The following MMP16 variants were observed in gnomAD, a reference collection of about 807,000 sequenced individuals.
MMP16 encodes matrix metallopeptidase 16.
Under a neutral mutation model 67.8 loss-of-function variants are expected in MMP16, and 12 were observed. The observed-to-expected ratio is 0.18, with a 90% CI of 0.11 to 0.29. The LOEUF (loss-of-function observed/expected upper bound fraction) is 0.29. Among genes scored for constraint, MMP16 ranks in the 10% least tolerant of loss-of-function variants. The pLI is 1.00. For missense variants in MMP16, 475 were observed against 765.7 expected (o/e 0.62, Z 4.48); for synonymous variants, 249 against 255.9 (o/e 0.97, Z 0.26).
At chr8:88,148,725 T>C (rs888941376) in intron 4 of MMP16, among the ~76,000 whole-genome samples, 1 of 131,846 alleles carries the variant, frequency 7.6e-6, no homozygotes, top group Non-Finnish European at 1.6e-5. Context: ...TGCTTATCTA[T>C]TTCTTTAGTA....
chr8:88,096,719 G>C (rs1156414050), intron 6 of MMP16, among the ~76,000 whole-genome samples: 1 of 151,842 alleles, frequency 6.6e-6, no homozygotes, highest in Non-Finnish European at 1.5e-5. Context: ...GAAGGAATTT[G>C]TTAAATATGC....
intron 4 of MMP16, among the ~76,000 whole-genome samples, chr8:88,158,507 G>C (rs1208327953): frequency 1.7e-4 from 26 of 152,284 alleles, no homozygotes; most frequent in Middle Eastern, 3.4e-3. Flanking sequence ...CCCACTTTTT[G>C]ATGGGGTTGT....
At chr8:88,273,701 A>G (rs780332726) in intron 1 of MMP16, among the ~76,000 whole-genome samples, 6 of 152,216 alleles carry the variant, frequency 3.9e-5, no homozygotes, top group African/African-American at 7.2e-5. Flanking sequence ...AAAAATCCAC[A>G]TAGAATTGTT....
At chr8:88,308,755 TATAAC>T (rs1354197833) in intron 1 of MMP16, among the ~76,000 whole-genome samples, 5 of 152,048 alleles carry the variant, frequency 3.3e-5, no homozygotes, top group Non-Finnish European at 5.9e-5. Flanking sequence ...AACTGAAAGT[TATAAC>T]ATAAAGACTA....
intron 7 of MMP16, among the ~76,000 whole-genome samples, chr8:88,062,180 A>T (rs1282798015): frequency 3.9e-5 from 6 of 152,124 alleles, no homozygotes; most frequent in Non-Finnish European, 7.4e-5. Flanking sequence ...TAAGATTTTC[A>T]TATGAAAAAA....
chr8:88,073,157 C>T (rs920261417), intron 7 of MMP16, among the ~76,000 whole-genome samples: 22 of 152,242 alleles, frequency 1.4e-4, no homozygotes, highest in East Asian at 1.9e-4. Flanking sequence ...ACTCATGGGA[C>T]GCAGGAAGGG....
intron 3 of MMP16, 146 bp downstream of exon 3, chr8:88,186,330 T>C: frequency 9.4e-7 from 1 of 1,064,264 alleles, no homozygotes; most frequent in Non-Finnish European, 1.3e-6. Context: ...TACTCTCCTC[T>C]CAATAGCAAT....
At chr8:88,047,160 A>T (rs2118200987) in intron 8 of MMP16, among the ~76,000 whole-genome samples, 1 of 152,324 alleles carries the variant, frequency 6.6e-6, no homozygotes, top group East Asian at 1.9e-4. Context: ...AGAGGTTTTC[A>T]TGAGTTTTTA....
Position 88,041,745 on chromosome 8 carries a change from T to C in MMP16, c.1540A>G (p.Ile514Val), listed in dbSNP as rs762633102. ...GGATATCCAGGTTCTACCTTGAGTA[T>C]CTGGTTGTTGAATTTCCAATACTCC... ...GKEYWKFNNQ[I>V]LKVEPGYPRS... The change falls in exon 10 of 10, where the codon ATA (isoleucine) becomes GTA (valine). Residue 514 changes from isoleucine to valine, a missense_variant. Ile to Val is a conservative substitution (Grantham distance 29, BLOSUM62 3). This residue lies in a region of MMP16 where 23 missense variants were observed against 79.1 expected (regional missense o/e 0.29). Coordinates refer to ENST00000286614, the MANE Select transcript of MMP16 (RefSeq NM_005941.5). This position sits in a 1 kb window ranked among gnomAD's most constrained non-coding sequence, Gnocchi z 6.0. 6.2e-7 allele frequency: 1 copy of C among 1,613,686 alleles called. No homozygotes were observed. Among genetic ancestry groups the C allele is most frequent in the South Asian group, 1.1e-5 (1 of 91,076 alleles).
intron 4 of MMP16, among the ~76,000 whole-genome samples, chr8:88,153,221 C>T (rs1411365999): frequency 1.3e-5 from 2 of 151,580 alleles, no homozygotes; most frequent in Non-Finnish European, 2.9e-5. Context: ...AAAGAGGATA[C>T]AAACAAATGG....
At chr8:88,242,115 A>C (rs1037620458) in intron 1 of MMP16, among the ~76,000 whole-genome samples, 1 of 152,230 alleles carries the variant, frequency 6.6e-6, no homozygotes, top group African/African-American at 2.4e-5. Context: ...TTGGATAGAA[A>C]ATAAAAAAGA....
chr8:88,229,512 G>A (rs1331214636), intron 1 of MMP16, among the ~76,000 whole-genome samples: 1 of 152,040 alleles, frequency 6.6e-6, no homozygotes, highest in African/African-American at 2.4e-5. Flanking sequence ...CTTAGCCAGG[G>A]TAAGACTATT....
intron 2 of MMP16, among the ~76,000 whole-genome samples, chr8:88,192,143 T>C: frequency 6.6e-6 from 1 of 152,226 alleles, no homozygotes; most frequent in Middle Eastern, 3.4e-3. Flanking sequence ...CTTATTTTAA[T>C]TACTTTAAAA....
At chr8:88,274,039 T>C (rs894523600) in intron 1 of MMP16, among the ~76,000 whole-genome samples, 1 of 152,088 alleles carries the variant, frequency 6.6e-6, no homozygotes, top group African/African-American at 2.4e-5. Flanking sequence ...ACTAGTTTTA[T>C]GGGAAGAGAA....
In MMP16 at chr8:88,067,442, T is replaced by C. The variant is rs145936934; in HGVS notation, c.1222+7163A>G. 5.2e-3 allele frequency among the ~76,000 whole-genome samples: 786 copies of C among 152,236 alleles called. 5 individuals carry two copies. Among genetic ancestry groups the C allele is most frequent in the African/African-American group, 0.017 (718 of 41,562 alleles). ...GCTTCTTGTTAAAAAAACAGTCTTA[T>C]TGTGGTATAACTGACATTCAATAAA... On this transcript the variant is annotated intron_variant, in intron 7 of 9. Coordinates refer to ENST00000286614, the MANE Select transcript of MMP16 (RefSeq NM_005941.5).
At chr8:88,253,741 AG>A (rs1810260582) in intron 1 of MMP16, among the ~76,000 whole-genome samples, 1 of 152,110 alleles carries the variant, frequency 6.6e-6, no homozygotes, top group African/African-American at 2.4e-5. Flanking sequence ...TCAGTTCTTC[AG>A]GATTCAATTC....
At position 88,117,774 on chromosome 8, in the gene MMP16, C is replaced by T. The variant is rs529087580; in HGVS notation, c.871+926G>A. Among the ~76,000 whole-genome samples, 336 of 151,940 alleles carry T rather than the reference C, an allele frequency of 2.2e-3. 1 individual carries two copies. The highest frequency in any genetic ancestry group is 7.7e-3 in the African/African-American group (318 of 41,484). On this transcript the variant is annotated intron_variant, in intron 5 of 9. Coordinates refer to ENST00000286614, the MANE Select transcript of MMP16 (RefSeq NM_005941.5). ...AAAAAAAAACTAATGAATGCAAAAACGAATTAGTGAACTTAAACTATGCTG... is the reference window on the plus strand; with the variant it reads ...AAAAAAAAACTAATGAATGCAAAAATGAATTAGTGAACTTAAACTATGCTG...
intron 6 of MMP16, among the ~76,000 whole-genome samples, chr8:88,110,702 G>C (rs1489608199): frequency 6.6e-6 from 1 of 151,608 alleles, no homozygotes; most frequent in African/African-American, 2.4e-5. Context: ...TGACTAAAGT[G>C]ATATGATATG....
chr8:88,184,762 A>AAAAAAAAAAAAAAAAAG (rs1809045093), intron 3 of MMP16, among the ~76,000 whole-genome samples: 1 of 145,142 alleles, frequency 6.9e-6, no homozygotes, highest in Non-Finnish European at 1.5e-5. Context: ...AAAAAAAAAA[A>AAAAAAAAAAAAAAAAAG]AAAAAAAAAA....
Sources: allele counts gnomAD v4.1 joint callset (sites outside exome capture counted in the v4.1 genomes callset), GRCh38; gene constraint gnomAD v4.1.1; regional missense constraint gnomAD v4.1.1; non-coding constraint Gnocchi (gnomAD v3.1); transcripts MANE v1.5; gene names NCBI Gene and HGNC (gene_info 2026-07-23, HGNC 2026-07-21).